The following TPR variants were observed in gnomAD, a reference collection of about 807,000 sequenced individuals.
TPR encodes translocated promoter region, nuclear basket protein.
TPR carries 51 observed loss-of-function variants against 316.1 expected under a neutral mutation model. The ratio of observed to expected loss-of-function variants is 0.16; its 90% CI spans 0.13 to 0.20. The LOEUF is 0.20. Ranked by LOEUF, TPR falls within the 10% of genes least tolerant of loss-of-function variation. The pLI is 1.00. For synonymous variants in TPR, 981 were observed against 914.7 expected (o/e 1.07, Z -1.31); for missense variants, 2,272 against 2,754.8 (o/e 0.82, Z 3.92).
rs1571603339 is a variant in TPR, at chr1:186,326,207, T to A, written c.5918A>T (p.Asp1973Val). The A allele has an allele frequency of 6.2e-7, 1 of 1,611,416 alleles. No homozygotes were observed. Among genetic ancestry groups the A allele is most frequent in the Non-Finnish European group, 8.5e-7 (1 of 1,178,126 alleles). The change falls in exon 41 of 51, where the codon GAT becomes GTT. Residue 1973 changes from aspartate to valine, a missense_variant. By Grantham distance (152) the Asp-to-Val change is radical (BLOSUM62 -3). Coordinates refer to ENST00000367478, the MANE Select transcript of TPR (RefSeq NM_003292.3). ...CATCCCTGTGTCATCTTCATCATCATCATCATCTTCCTCATCCTCTTCATA... is the reference window on the plus strand; with the variant it reads ...CATCCCTGTGTCATCTTCATCATCAACATCATCTTCCTCATCCTCTTCATA... Reference protein sequence around the residue: ...EDYEEDEEDDDDDEDDTGMGD... With the variant: ...EDYEEDEEDDVDDEDDTGMGD...
rs1317729543 is a variant in TPR, at chr1:186,362,388, C to A, written c.697-8G>T. 4.4e-6 allele frequency: 7 copies of A among 1,598,118 alleles called. No individual in the cohort carries two copies. The highest frequency in any genetic ancestry group is 6.0e-6 in the Non-Finnish European group (7 of 1,167,642). On this transcript the variant is annotated splice_polypyrimidine_tract_variant and splice_region_variant and intron_variant, in intron 6 of 50. Coordinates refer to ENST00000367478, the MANE Select transcript of TPR (RefSeq NM_003292.3). ...TTCTTCCAGTCTAGAAACCTAAAAACAAAAAATAGAGCAGGGGGAAAGGAT... is the reference window on the plus strand; with the variant it reads ...TTCTTCCAGTCTAGAAACCTAAAAAAAAAAAATAGAGCAGGGGGAAAGGAT...
intron 17 of TPR, among the ~76,000 whole-genome samples, chr1:186,354,199 AG>A (rs1443893517): frequency 6.6e-6 from 1 of 152,190 alleles, no homozygotes; most frequent in African/African-American, 2.4e-5. Flanking sequence ...TTGTGTAATA[AG>A]GTAAAACCTT....
intron 19 of TPR, among the ~76,000 whole-genome samples, 184 bp downstream of exon 19, chr1:186,351,792 A>G (rs541883571): frequency 6.6e-6 from 1 of 152,260 alleles, no homozygotes; most frequent in African/African-American, 2.4e-5. Flanking sequence ...GTATGGTTTC[A>G]ATCAATTCTC....
At chr1:186,322,475 G>A (rs771008004) in intron 44 of TPR, 43 bp downstream of exon 44, 2 of 1,612,232 alleles carry the variant, frequency 1.2e-6, no homozygotes, top group South Asian at 1.1e-5. Flanking sequence ...ATAAATATCT[G>A]CTCAAGAAAT....
At position 186,334,349 on chromosome 1, in the gene TPR, T is replaced by A; in HGVS notation, c.5158A>T (p.Thr1720Ser). ...CCTTCCTGTGATTCCACTTGTGTAG[T>A]GGGCATCACTGTAGCTGTTGGGGTA... Reference protein sequence around the residue: ...TTTPTATVMPTTQVESQEAMQ... With the variant: ...TTTPTATVMPSTQVESQEAMQ... Residue 1720 changes from threonine to serine, a missense_variant, in exon 36 of 51, where the codon ACT becomes TCT. Physicochemically the swap from Thr to Ser is moderately conservative, Grantham distance 58. Around this residue, in one of 10 missense-constraint regions of TPR, gnomAD observed 109 missense variants for 215.3 expected, o/e 0.51. Transcript: ENST00000367478. 6.2e-7 allele frequency: 1 copy of A among 1,613,214 alleles called. No individual in the cohort carries two copies. The highest frequency in any genetic ancestry group is 1.1e-5 in the South Asian group (1 of 91,026).
chr1:186,353,180 G>A (rs533486556), intron 18 of TPR, among the ~76,000 whole-genome samples: 2 of 152,212 alleles, frequency 1.3e-5, no homozygotes, highest in South Asian at 2.1e-4. Flanking sequence ...AGACCATCCT[G>A]GCTAACACAG....
chr1:186,368,396 G>A (rs1473061090), intron 3 of TPR, among the ~76,000 whole-genome samples: 1 of 152,164 alleles, frequency 6.6e-6, no homozygotes, highest in Non-Finnish European at 1.5e-5. Context: ...CCGATCATTT[G>A]AGTCTAGGAG....
intron 42 of TPR, chr1:186,325,432 T>C (rs1439072532): frequency 5.6e-6 from 1 of 179,890 alleles, no homozygotes; most frequent in Non-Finnish European, 1.2e-5. Context: ...TTGATTAGAC[T>C]GACCTCCTCT....
chr1:186,360,396 T>A, intron 10 of TPR, 32 bp from the exon 11 acceptor site: 1 of 1,606,330 alleles, frequency 6.2e-7, no homozygotes, highest in South Asian at 1.1e-5. Context: ...TAGTATAATT[T>A]GTAAAATTCC....
In TPR at chr1:186,357,383, A is replaced by G; in HGVS notation, c.1724+14T>C. The G allele has an allele frequency of 6.2e-7, 1 of 1,611,690 alleles. No individual in the cohort carries two copies. The highest frequency in any genetic ancestry group is 8.5e-7 in the Non-Finnish European group (1 of 1,178,228). On this transcript the variant is annotated intron_variant, in intron 14 of 50. Coordinates refer to ENST00000367478, the MANE Select transcript of TPR (RefSeq NM_003292.3). Reference sequence around the variant, plus strand: ...AAATGTTTGCTCAACAAGCTGAGGTATGTGACTACTTACTTGGATGAAGTT... The same window carrying G: ...AAATGTTTGCTCAACAAGCTGAGGTGTGTGACTACTTACTTGGATGAAGTT...
In TPR at chr1:186,322,590, C is replaced by A. The variant is rs201968143; in HGVS notation, c.6298-4G>T. 110 of 1,613,712 alleles carry A rather than the reference C, an allele frequency of 6.8e-5. No individual in the cohort carries two copies. Among genetic ancestry groups the A allele is most frequent in the Admixed American group, 1.8e-4 (11 of 59,972 alleles). On this transcript the variant is annotated splice_polypyrimidine_tract_variant and splice_region_variant and intron_variant, in intron 43 of 50. Coordinates refer to ENST00000367478, the MANE Select transcript of TPR (RefSeq NM_003292.3). ...GCCTTCGGGTCATCTGAATTCTCTG[C>A]GTGTCAAGATAAAGGAATTACATTT...
Position 186,344,486 on chromosome 1 carries a change from C to T in TPR, c.3306G>A (p.Gln1102=), listed in dbSNP as rs1366424021. Residue 1102 remains glutamine, a synonymous_variant, in exon 25 of 51, where the codon CAG becomes CAA. Coordinates refer to ENST00000367478, the MANE Select transcript of TPR (RefSeq NM_003292.3). ...GACGGACTGATGCCATTTTTGAAAC[C>T]TGCTCCTTCGCAGCTTGTAGAGCTT... ...DVEALQAAKE[Q]VSKMASVRQH... 2 of 1,613,864 alleles carry T rather than the reference C, an allele frequency of 1.2e-6. No individual in the cohort carries two copies. Among genetic ancestry groups the T allele is most frequent in the South Asian group, 2.2e-5 (2 of 91,024 alleles).
chr1:186,355,996 T>C (rs1162166786), intron 15 of TPR, among the ~76,000 whole-genome samples: 1 of 152,234 alleles, frequency 6.6e-6, no homozygotes, highest in East Asian at 1.9e-4. Flanking sequence ...ACATAATCCA[T>C]ATTTATGTTT....
intron 23 of TPR, 108 bp downstream of exon 23, chr1:186,346,026 TG>T: frequency 7.7e-7 from 1 of 1,293,080 alleles, no homozygotes; most frequent in Admixed American, 2.5e-5. Flanking sequence ...TTTGCCTATG[TG>T]TTCAATAAAT....
chr1:186,316,001 A>C (rs1314941010), intron 49 of TPR, among the ~76,000 whole-genome samples: 1 of 151,298 alleles, frequency 6.6e-6, no homozygotes, highest in Non-Finnish European at 1.5e-5. Flanking sequence ...TGTTGACCAA[A>C]TGAATACTCA....
chr1:186,324,670 G>T (rs1657864527), intron 42 of TPR, among the ~76,000 whole-genome samples: 1 of 152,082 alleles, frequency 6.6e-6, no homozygotes, highest in African/African-American at 2.4e-5. Flanking sequence ...ACCTTATTAA[G>T]TTTACTACAA....
At chr1:186,344,634 T>G in intron 24 of TPR, 56 bp from the exon 25 acceptor site, 3 of 1,342,092 alleles carry the variant, frequency 2.2e-6, no homozygotes, top group Non-Finnish European at 2.9e-6. Flanking sequence ...TAAAACTAGT[T>G]AGCACTTGTC....
intron 31 of TPR, 27 bp from the exon 32 acceptor site, chr1:186,337,183 C>T: frequency 1.3e-6 from 2 of 1,591,232 alleles, no homozygotes; most frequent in Non-Finnish European, 1.7e-6. Flanking sequence ...TAATAATACA[C>T]TCACATATTT....
At position 186,344,657 on chromosome 1, in the gene TPR, T is replaced by C. The variant is rs1441792722; in HGVS notation, c.3214-79A>G. Reference sequence around the variant, plus strand: ...GTTAGCACTTGTCCAAAGATACACATTGGACTTTTTAAATAATAAAAGTAA... The same window carrying C: ...GTTAGCACTTGTCCAAAGATACACACTGGACTTTTTAAATAATAAAAGTAA... On this transcript the variant is annotated intron_variant, in intron 24 of 50. Coordinates refer to ENST00000367478, the MANE Select transcript of TPR (RefSeq NM_003292.3). 3 of 1,091,896 alleles carry C rather than the reference T, an allele frequency of 2.7e-6. No individual in the cohort carries two copies. In the East Asian group the frequency reaches 8.4e-5, roughly 30 times the overall value. 67.6% of individuals were successfully genotyped at this position (1,091,896 alleles called of 1,614,324 possible). A position where few individuals can be genotyped will look rare whatever the true frequency, so the allele number is the denominator to read the frequency against.
Sources: gnomAD v4.1 joint callset for allele counts (sites outside exome capture counted in the v4.1 genomes callset) on GRCh38, gnomAD v4.1.1 for gene constraint, gnomAD v4.1.1 regional missense constraint, MANE v1.5 for transcripts, NCBI Gene and HGNC (gene_info 2026-07-23, HGNC 2026-07-21) for gene names.